IFT80: variants seen among roughly 807,000 people sequenced by gnomAD.
IFT80 encodes intraflagellar transport 80.
IFT80 carries 79 observed loss-of-function variants against 107.9 expected under a neutral mutation model. The observed-to-expected ratio is 0.73, with a 90% CI of 0.61 to 0.88. IFT80 has a LOEUF of 0.88. Among genes scored for constraint, IFT80 ranks in the 40% least tolerant of loss-of-function variants. IFT80 has a pLI of 0.00. For synonymous variants in IFT80, 299 were observed against 300.9 expected, an observed-to-expected ratio of 0.99 and a Z score of 0.07; for missense variants, 797 against 914.2, an observed-to-expected ratio of 0.87 and a Z score of 1.65.
At position 160,303,987 on chromosome 3, in the gene IFT80, G is replaced by A. The variant is rs371152741; in HGVS notation, c.1079C>T (p.Thr360Met). The change falls in exon 11 of 20, where the codon ACG becomes ATG. Residue 360 changes from threonine to methionine, a missense_variant and splice_region_variant. Coordinates refer to ENST00000326448, the MANE Select transcript of IFT80 (RefSeq NM_020800.3). The part of the protein sequence containing the change: ...STSLQCYVFS[T>M]KNWNTPIIFD... ...TATAATTGGTGTGTTCCAGTTCTTC[G>A]TGCTAAAAGACAAGTAAAATGGATA... 3.8e-5 allele frequency: 61 copies of A among 1,602,478 alleles called. No individual in the cohort carries two copies. The highest frequency in any genetic ancestry group is 1.7e-4 in the Middle Eastern group (1 of 6,044).
Position 160,264,700 on chromosome 3 carries a change from A to G in IFT80, c.2223+3713T>C, listed in dbSNP as rs576410963. 1.2e-4 allele frequency among the ~76,000 whole-genome samples: 18 copies of G among 151,002 alleles called. No homozygotes were observed. The South Asian group carries it at 3.6e-3, about 30-fold the overall frequency. On this transcript the variant is annotated intron_variant, in intron 19 of 19. Transcript: ENST00000326448. The stretch of plus-strand genomic sequence containing the variant: ...AGTGATCCTCCCATCTCAGCCTCCC[A>G]AAGTGCTGGGATTATGGGTGTGAGC...
intron 12 of IFT80, among the ~76,000 whole-genome samples, chr3:160,292,120 G>C (rs533757776): frequency 1.3e-5 from 2 of 152,316 alleles, no homozygotes; most frequent in East Asian, 3.9e-4. Flanking sequence ...GGCTACAAAA[G>C]GGTCCTGACA....
chr3:160,296,987 T>C (rs1045212630), intron 12 of IFT80, among the ~76,000 whole-genome samples: 46 of 152,198 alleles, frequency 3.0e-4, no homozygotes, highest in Non-Finnish European at 1.8e-4. Context: ...GCCTTTTTAC[T>C]ATAAATACTT....
intron 2 of IFT80, chr3:160,383,600 C>T (rs933875351): frequency 3.3e-6 from 3 of 911,430 alleles, no homozygotes; most frequent in Admixed American, 6.2e-5. Context: ...CAAATTGCTA[C>T]AAAAATTTCT....
intron 19 of IFT80, among the ~76,000 whole-genome samples, chr3:160,264,858 T>C (rs1713172048): frequency 6.6e-6 from 1 of 152,176 alleles, no homozygotes; most frequent in Admixed American, 6.5e-5. Context: ...TCTTTCCTAC[T>C]TTAAAGCCTT....
intron 19 of IFT80, among the ~76,000 whole-genome samples, chr3:160,265,299 A>C (rs895480267): frequency 2.6e-5 from 4 of 152,072 alleles, no homozygotes; most frequent in Non-Finnish European, 4.4e-5. Flanking sequence ...CAAACTTAAA[A>C]CCTGTAAAGC....
At chr3:160,333,739 C>T (rs1023141325) in intron 8 of IFT80, among the ~76,000 whole-genome samples, 1 of 152,108 alleles carries the variant, frequency 6.6e-6, no homozygotes, top group Non-Finnish European at 1.5e-5. Flanking sequence ...GCAATACTTC[C>T]TGAAGGACCT....
intron 6 of IFT80, among the ~76,000 whole-genome samples, chr3:160,363,318 G>C (rs1265522288): frequency 6.6e-6 from 1 of 152,068 alleles, no homozygotes; most frequent in African/African-American, 2.4e-5. Context: ...GGATGTGAGG[G>C]ACCTCTTAAA....
intron 8 of IFT80, among the ~76,000 whole-genome samples, chr3:160,349,820 C>A (rs1720548771): frequency 6.6e-6 from 1 of 151,980 alleles, no homozygotes; most frequent in Admixed American, 6.6e-5. Context: ...AAATTGACAC[C>A]ATTAAGAGTA....
intron 2 of IFT80, chr3:160,384,350 G>A: frequency 5.2e-6 from 6 of 1,144,160 alleles, no homozygotes; most frequent in South Asian, 3.3e-5. Context: ...AAAAACGTCA[G>A]TAAGAATTTT....
Position 160,322,960 on chromosome 3 carries a change from C to G in IFT80, c.778-3021G>C, listed in dbSNP as rs1029506276. Among the ~76,000 whole-genome samples, 190 of 151,738 alleles carry G rather than the reference C, an allele frequency of 1.3e-3. 1 individual carries two copies. Among genetic ancestry groups the G allele is most frequent in the Non-Finnish European group, 2.2e-3 (149 of 67,814 alleles). On this transcript the variant is annotated intron_variant, in intron 8 of 19. Transcript: ENST00000326448. ...AGCCCTTTGTCAGATGAGTAGGTTG[C>G]GAAAATTTTCTCCCATTTTGTAGGT...
intron 8 of IFT80, among the ~76,000 whole-genome samples, chr3:160,349,576 C>T (rs1720530933): frequency 6.6e-6 from 1 of 152,048 alleles, no homozygotes; most frequent in South Asian, 2.1e-4. Flanking sequence ...AGATTAGATT[C>T]TTATATATCT....
intron 12 of IFT80, among the ~76,000 whole-genome samples, chr3:160,288,641 A>AG (rs1177278969): frequency 6.6e-6 from 1 of 152,220 alleles, no homozygotes; most frequent in African/African-American, 2.4e-5. Context: ...CAAATTTACA[A>AG]GAAAAAAAAC....
At chr3:160,375,916 C>G in intron 4 of IFT80, 36 bp from the exon 5 acceptor site, 1 of 1,333,452 alleles carries the variant, frequency 7.5e-7, no homozygotes, top group Non-Finnish European at 1.1e-6. Flanking sequence ...AGTATTTTTA[C>G]CTATAGAAAA....
At chr3:160,312,531 C>A in intron 9 of IFT80, among the ~76,000 whole-genome samples, 1 of 126,000 alleles carries the variant, frequency 7.9e-6, no homozygotes, top group East Asian at 2.2e-4. Context: ...TGTTTCTGGT[C>A]CACAGAGATC....
chr3:160,264,212 T>C (rs548985107), intron 19 of IFT80, among the ~76,000 whole-genome samples: 1 of 151,702 alleles, frequency 6.6e-6, no homozygotes, highest in Non-Finnish European at 1.5e-5. Context: ...TAGGCTCAAG[T>C]GATTCTCCCA....
At chr3:160,397,870 C>T (rs1328081093) in intron 1 of IFT80, among the ~76,000 whole-genome samples, 2 of 151,936 alleles carry the variant, frequency 1.3e-5, no homozygotes, top group Non-Finnish European at 1.5e-5. Context: ...TACAGGCATG[C>T]GCCACCATGC....
At chr3:160,386,095 G>T (rs1433022552) in intron 1 of IFT80, among the ~76,000 whole-genome samples, 1 of 152,126 alleles carries the variant, frequency 6.6e-6, no homozygotes, top group Non-Finnish European at 1.5e-5. Context: ...ATAAATAGTA[G>T]AAGCAGTATG....
In IFT80 at chr3:160,377,425, C is replaced by T. The variant is rs1010271181; in HGVS notation, c.370+5G>A. 2 of 1,496,964 alleles carry T rather than the reference C, an allele frequency of 1.3e-6. No individual in the cohort carries two copies. The highest frequency in any genetic ancestry group is 1.4e-5 in the African/African-American group (1 of 72,528). The allele number at this position is 1,496,964 out of a possible 1,614,324, so 92.7% of individuals were successfully genotyped here. A position where few individuals can be genotyped will look rare whatever the true frequency, so the allele number is the denominator to read the frequency against. On this transcript the variant is annotated splice_donor_5th_base_variant and intron_variant, in intron 4 of 19. Coordinates refer to ENST00000326448, the MANE Select transcript of IFT80 (RefSeq NM_020800.3). ...TTTCAAATGTCATTTTTACAGACAA[C>T]TTACCTGTAACTAATGCTGTTCCTT...
Sources: gnomAD v4.1 joint callset for allele counts (sites outside exome capture counted in the v4.1 genomes callset) on GRCh38, gnomAD v4.1.1 for gene constraint, MANE v1.5 for transcripts, NCBI Gene and HGNC (gene_info 2026-07-23, HGNC 2026-07-21) for gene names.